The following NTN1 variants were observed in gnomAD, a reference collection of about 807,000 sequenced individuals.
The protein encoded by NTN1 is netrin-1.
Under a neutral mutation model 54.2 loss-of-function variants are expected in NTN1, and 11 were observed. That is an observed-to-expected ratio of 0.20 (90% CI 0.13 to 0.34). The LOEUF is 0.34. Among genes scored for constraint, NTN1 ranks in the 10% least tolerant of loss-of-function variants. The probability of loss-of-function intolerance (pLI) is 1.00; values close to 1 mark genes in which losing one functional copy is unlikely to be tolerated. For missense variants in NTN1, 740 were observed against 893.1 expected (o/e 0.83, Z 2.18); for synonymous variants, 371 against 382.0 (o/e 0.97, Z 0.33).
chr17:9,212,134 C>T lies in NTN1; in HGVS notation c.1412-9034C>T, dbSNP rs1905120289. 6.6e-6 allele frequency among the ~76,000 whole-genome samples: 1 copy of T among 152,178 alleles called. No homozygotes were observed. On this transcript the variant is annotated intron_variant, in intron 5 of 6. Transcript: ENST00000173229. This position sits in a 1 kb window ranked among gnomAD's most constrained non-coding sequence, Gnocchi z 5.5. ...ATTGGGTCAGCGAGACTAGTACAGG[C>T]TTAGAGAGATGGGTGGGGGCTAGAG... is the stretch of plus-strand genomic sequence containing the variant.
At chr17:9,097,725 C>T (rs1267757901) in intron 2 of NTN1, among the ~76,000 whole-genome samples, 1 of 152,158 alleles carries the variant, frequency 6.6e-6, no homozygotes, top group East Asian at 1.9e-4. Flanking sequence ...AAATAGAAAG[C>T]ACACTATTCA....
intron 6 of NTN1, among the ~76,000 whole-genome samples, chr17:9,224,535 C>T (rs72814104): frequency 0.18 from 27,730 of 152,190 alleles, 3,013 homozygotes; most frequent in Admixed American, 0.24. Context: ...TAGGCAGTGA[C>T]ACGGGCCTGG....
At chr17:9,225,420 T>C (rs1026373564) in intron 6 of NTN1, among the ~76,000 whole-genome samples, 92 of 149,726 alleles carry the variant, frequency 6.1e-4, no homozygotes, top group Middle Eastern at 6.9e-3. Context: ...CCTCGGGGAG[T>C]GTGTTTGGTC....
intron 2 of NTN1, among the ~76,000 whole-genome samples, chr17:9,038,193 A>G (rs899848339): frequency 7.0e-6 from 1 of 142,022 alleles, no homozygotes; most frequent in Admixed American, 7.2e-5. Context: ...CAGCTCCCCT[A>G]TTTGTGTCTA....
intron 6 of NTN1, among the ~76,000 whole-genome samples, chr17:9,228,909 T>TGATTGTGTGTGTGTGACTGC (rs1905696180): frequency 1.6e-4 from 1 of 6,264 alleles, no homozygotes; most frequent in African/African-American, 1.3e-3. Flanking sequence ...TGTTCGTGAC[T>TGATTGTGTGTGTGTGACTGC]GTGTGTGACT....
chr17:9,122,939 CAT>C (rs754473177), intron 2 of NTN1, among the ~76,000 whole-genome samples: 1 of 152,106 alleles, frequency 6.6e-6, no homozygotes, highest in African/African-American at 2.4e-5. Context: ...GTTAATCAGG[CAT>C]TTAAATTTGG....
chr17:9,074,596 TTTA>T (rs2092043146), intron 2 of NTN1, among the ~76,000 whole-genome samples: 2 of 152,324 alleles, frequency 1.3e-5, no homozygotes, highest in South Asian at 4.1e-4. Context: ...TCCTGTCCAC[TTTA>T]GGAGCCACCT....
rs752803239 is a variant in NTN1, at chr17:9,022,694, C to G, written c.321C>G (p.Phe107Leu). The change falls in exon 2 of 7, where the codon TTC (phenylalanine) becomes TTG (leucine). Residue 107 changes from phenylalanine (F) to leucine (L), a missense_variant. By Grantham distance (22) the Phe-to-Leu change is conservative. Transcript: ENST00000173229. ...CCAAGAAGGCGCACCCGCCCGCCTT[C>G]CTCACCGACCTCAACAACCCGCACA... Reference protein sequence around the residue: ...SDPKKAHPPAFLTDLNNPHNL... With the variant: ...SDPKKAHPPALLTDLNNPHNL... 6.9e-6 allele frequency: 11 copies of G among 1,594,188 alleles called. No homozygotes were observed. The South Asian group carries it at 1.2e-4, about 18-fold the overall frequency.
intron 2 of NTN1, among the ~76,000 whole-genome samples, chr17:9,035,450 A>G (rs2091900755): frequency 6.6e-6 from 1 of 152,148 alleles, no homozygotes; most frequent in Non-Finnish European, 1.5e-5. Context: ...GGTTTTGGCT[A>G]TTAACAGTAG....
upstream of NTN1, among the ~76,000 whole-genome samples, chr17:9,021,261 C>T (rs1196526354): frequency 6.6e-6 from 1 of 151,696 alleles, no homozygotes; most frequent in Non-Finnish European, 1.5e-5. Flanking sequence ...CTGGCCCGGC[C>T]CAGCCCCCTC....
At chr17:9,091,405 C>T (rs1426214013) in intron 2 of NTN1, among the ~76,000 whole-genome samples, 1 of 151,832 alleles carries the variant, frequency 6.6e-6, no homozygotes, top group East Asian at 1.9e-4. Context: ...CAGGCTCAAG[C>T]CACAGTGCCT....
chr17:9,086,937 C>T (rs965473803), intron 2 of NTN1, among the ~76,000 whole-genome samples: 14 of 152,174 alleles, frequency 9.2e-5, no homozygotes, highest in Non-Finnish European at 2.1e-4. Context: ...TCATCAGTAC[C>T]ACCACTAGCA....
At chr17:9,024,724 G>A (rs1472761752) in intron 2 of NTN1, among the ~76,000 whole-genome samples, 1 of 152,202 alleles carries the variant, frequency 6.6e-6, no homozygotes, top group Non-Finnish European at 1.5e-5. Context: ...CGGGCCTCCC[G>A]CCTCCTGTTG....
chr17:9,109,824 T>C (rs913481133), intron 2 of NTN1, among the ~76,000 whole-genome samples: 1 of 152,268 alleles, frequency 6.6e-6, no homozygotes, highest in Non-Finnish European at 1.5e-5. Flanking sequence ...GGTTTAAATT[T>C]GCATTTGCAT....
intron 2 of NTN1, among the ~76,000 whole-genome samples, chr17:9,104,445 A>G (rs1006379354): frequency 6.6e-6 from 1 of 152,216 alleles, no homozygotes; most frequent in African/African-American, 2.4e-5. Context: ...AGACAAAGAC[A>G]CACGAGCAGA....
At chr17:9,217,241 AAG>A (rs1905235661) in intron 5 of NTN1, among the ~76,000 whole-genome samples, 1 of 152,086 alleles carries the variant, frequency 6.6e-6, no homozygotes, top group Admixed American at 6.6e-5. Context: ...TCATCAGACA[AAG>A]AGCTGTGTCC....
chr17:9,047,839 C>T lies in NTN1; in HGVS notation c.1018+24448C>T, dbSNP rs918043759. ...CCTCCCAAGTAGCTGGGATTACAGG[C>T]GACTGCCACCACGCCTGGCTAATTT... On this transcript the variant is annotated intron_variant, in intron 2 of 6. Coordinates refer to ENST00000173229, the MANE Select transcript of NTN1 (RefSeq NM_004822.3). Among the ~76,000 whole-genome samples the T allele has an allele frequency of 3.9e-5, 6 of 151,964 alleles. No individual in the cohort carries two copies. In the East Asian group the frequency reaches 5.8e-4, roughly 15 times the overall value.
intron 6 of NTN1, among the ~76,000 whole-genome samples, chr17:9,231,173 C>T (rs1905797149): frequency 6.6e-6 from 1 of 152,146 alleles, no homozygotes; most frequent in Non-Finnish European, 1.5e-5. Flanking sequence ...GCACTGAGGA[C>T]CTCAGCACCC....
chr17:9,186,781 G>GAAGTTGGGTTT (rs1314914327), intron 5 of NTN1, among the ~76,000 whole-genome samples: 2 of 152,224 alleles, frequency 1.3e-5, no homozygotes, highest in Non-Finnish European at 2.9e-5. Context: ...TTCACGGAAG[G>GAAGTTGGGTTT]AAGTTGGGTT....
Sources: gnomAD v4.1 joint callset for allele counts (sites outside exome capture counted in the v4.1 genomes callset) on GRCh38, gnomAD v4.1.1 for gene constraint, Gnocchi (gnomAD v3.1) non-coding constraint, MANE v1.5 for transcripts, NCBI Gene and HGNC (gene_info 2026-07-23, HGNC 2026-07-21) for gene names.